The following MAD1L1 variants were observed in gnomAD, a reference collection of about 807,000 sequenced individuals.
The protein encoded by MAD1L1 is mitotic spindle assembly checkpoint protein MAD1.
MAD1L1 carries 95 observed loss-of-function variants against 96.9 expected under a neutral mutation model. That is an observed-to-expected ratio of 0.98 (90% CI 0.83 to 1.16). The LOEUF (loss-of-function observed/expected upper bound fraction) is 1.16. MAD1L1 is among the 50% of genes most tolerant of loss of function. MAD1L1 has a pLI of 0.00. For missense variants in MAD1L1, 1,007 were observed against 954.4 expected (o/e 1.06, Z -0.73); for synonymous variants, 473 against 396.6 (o/e 1.19, Z -2.29).
chr7:2,021,294 C>G (rs1368063498), intron 12 of MAD1L1, among the ~76,000 whole-genome samples: 2 of 152,100 alleles, frequency 1.3e-5, no homozygotes, highest in African/African-American at 4.8e-5. Context: ...AATAAGACAG[C>G]CTGAGAAGGG....
intron 5 of MAD1L1, among the ~76,000 whole-genome samples, chr7:2,222,230 C>T (rs1793646647): frequency 6.6e-6 from 1 of 152,064 alleles, no homozygotes; most frequent in South Asian, 2.1e-4. Flanking sequence ...CAGGTGCGCA[C>T]CACCACGCAT....
intron 17 of MAD1L1, among the ~76,000 whole-genome samples, chr7:1,921,772 C>T (rs1380840351): frequency 4.0e-5 from 6 of 151,876 alleles, no homozygotes; most frequent in Non-Finnish European, 7.4e-5. Context: ...TATAAATCTA[C>T]GGGGAAGGAA....
At chr7:2,156,832 A>T (rs1246495927) in intron 10 of MAD1L1, among the ~76,000 whole-genome samples, 1 of 151,826 alleles carries the variant, frequency 6.6e-6, no homozygotes, top group Non-Finnish European at 1.5e-5. Context: ...AAAAAAAAAA[A>T]AAAAGAAAGA....
At chr7:1,937,072 G>A (rs1778655208) in intron 16 of MAD1L1, among the ~76,000 whole-genome samples, 175 bp from the exon 17 acceptor site, 1 of 152,244 alleles carries the variant, frequency 6.6e-6, no homozygotes. Flanking sequence ...CCTGGAAGGA[G>A]TGGCTCCTTC....
intron 18 of MAD1L1, chr7:1,847,907 C>T (rs553041234): frequency 2.2e-4 from 79 of 357,586 alleles, no homozygotes; most frequent in African/African-American, 1.6e-3. Flanking sequence ...CTCTCACCCA[C>T]GCAGCTGCTC....
Position 1,900,631 on chromosome 7 carries a change from G to A in MAD1L1, c.1808-2241C>T, listed in dbSNP as rs1710503538. Among the ~76,000 whole-genome samples, 5 of 152,302 alleles carry A rather than the reference G, an allele frequency of 3.3e-5. 1 individual carries two copies. In the South Asian group the frequency reaches 1.0e-3, roughly 32 times the overall value. ...CCTCCCGAAGATGGGGCTATCGGTAGCAGGAATTGCCACGTGCACAAGGAA... is the reference window on the plus strand; with the variant it reads ...CCTCCCGAAGATGGGGCTATCGGTAACAGGAATTGCCACGTGCACAAGGAA... On this transcript the variant is annotated intron_variant, in intron 17 of 18. Coordinates refer to ENST00000265854, the MANE Select transcript of MAD1L1 (RefSeq NM_001013836.2).
intron 16 of MAD1L1, among the ~76,000 whole-genome samples, chr7:1,948,051 C>T (rs962710000): frequency 1.4e-4 from 21 of 152,200 alleles, no homozygotes; most frequent in African/African-American, 5.1e-4. Flanking sequence ...GGGGGTAGGA[C>T]AGAACCCCGA....
chr7:2,051,419 G>A (rs931161582), intron 12 of MAD1L1, among the ~76,000 whole-genome samples: 1 of 152,214 alleles, frequency 6.6e-6, no homozygotes, highest in African/African-American at 2.4e-5. Flanking sequence ...CAGGACAGAA[G>A]GGGCTCCTGG....
chr7:1,830,925 G>A (rs1161641452), intron 18 of MAD1L1, among the ~76,000 whole-genome samples: 2 of 152,212 alleles, frequency 1.3e-5, no homozygotes, highest in Admixed American at 6.5e-5. Context: ...AAATGTAAAT[G>A]GCCCAGTGAA....
intron 18 of MAD1L1, among the ~76,000 whole-genome samples, chr7:1,872,003 C>T (rs1195773215): frequency 1.3e-5 from 2 of 152,180 alleles, no homozygotes; most frequent in Non-Finnish European, 2.9e-5. Context: ...CTCTCATCTC[C>T]AGGCTCTGCT....
chr7:2,148,294 C>T (rs914706753), intron 11 of MAD1L1: 1 of 152,702 alleles, frequency 6.5e-6, no homozygotes, highest in East Asian at 1.9e-4. Context: ...CCGCACAGAC[C>T]CACGGCCTGG....
intron 10 of MAD1L1, among the ~76,000 whole-genome samples, chr7:2,189,456 T>C (rs1410408740): frequency 6.6e-6 from 1 of 152,198 alleles, no homozygotes; most frequent in East Asian, 1.9e-4. Context: ...AGAATATTAC[T>C]CAGCCTTAGA....
At chr7:2,152,128 C>T (rs531335797) in intron 10 of MAD1L1, among the ~76,000 whole-genome samples, 93 of 152,344 alleles carry the variant, frequency 6.1e-4, no homozygotes, top group African/African-American at 2.0e-3. Context: ...AGAAGGCTGG[C>T]GCCTGAGGCG....
At chr7:2,125,407 C>A (rs574499122) in intron 11 of MAD1L1, among the ~76,000 whole-genome samples, 1 of 152,176 alleles carries the variant, frequency 6.6e-6, no homozygotes, top group Admixed American at 6.5e-5. Flanking sequence ...ATGTGTCCCC[C>A]GGGCGACAGC....
intron 6 of MAD1L1, 52 bp from the exon 7 acceptor site, chr7:2,218,095 A>G (rs1187184970): frequency 2.9e-6 from 4 of 1,398,590 alleles, no homozygotes; most frequent in Non-Finnish European, 4.1e-6. Flanking sequence ...GGCAAGGCCA[A>G]CAATTCTCCT....
intron 12 of MAD1L1, among the ~76,000 whole-genome samples, chr7:2,015,548 C>A (rs1473105970): frequency 6.6e-6 from 1 of 152,234 alleles, no homozygotes; most frequent in Non-Finnish European, 1.5e-5. Context: ...AAAGGACGTG[C>A]TGCTGCGGGG....
chr7:1,976,372 G>A (rs947366334), intron 15 of MAD1L1, among the ~76,000 whole-genome samples: 1 of 152,226 alleles, frequency 6.6e-6, no homozygotes, highest in Admixed American at 6.5e-5. Context: ...TGGTCTTGCT[G>A]GCTTCAGGAG....
intron 15 of MAD1L1, among the ~76,000 whole-genome samples, chr7:1,961,118 GGA>G (rs200323410): frequency 3.9e-5 from 6 of 152,068 alleles, no homozygotes; most frequent in Non-Finnish European, 5.9e-5. Context: ...CTCCACACAG[GGA>G]GAGAGAGAGG....
intron 18 of MAD1L1, among the ~76,000 whole-genome samples, chr7:1,850,580 A>C (rs956679962): frequency 6.6e-6 from 1 of 152,204 alleles, no homozygotes; most frequent in Non-Finnish European, 1.5e-5. Context: ...GGAGCTGCAC[A>C]GGTGACTCGG....
Sources: allele counts gnomAD v4.1 joint callset (sites outside exome capture counted in the v4.1 genomes callset), GRCh38; gene constraint gnomAD v4.1.1; transcripts MANE v1.5; gene names NCBI Gene and HGNC (gene_info 2026-07-23, HGNC 2026-07-21).